The following SOCS2 variants were observed in gnomAD, a reference collection of about 807,000 sequenced individuals.
SOCS2 encodes CIS-2.
A neutral mutation model predicts 18.6 loss-of-function variants in SOCS2; 10 were observed. The ratio of observed to expected loss-of-function variants is 0.54; its 90% CI spans 0.33 to 0.91. SOCS2 has a LOEUF of 0.91. Among genes scored for constraint, SOCS2 ranks in the 40% least tolerant of loss-of-function variants. SOCS2 has a pLI of 0.02. For missense variants in SOCS2, 231 were observed against 247.2 expected (o/e 0.93, Z 0.44); for synonymous variants, 104 against 104.0 (o/e 1.00, Z 0.00).
Position 93,575,116 on chromosome 12 carries a change from CTG to C in SOCS2, c.535_536del (p.Trp179GlyfsTer16). Reference protein sequence around the residue: ...LTINKCTGAIWGLPLPTRLKD... With the variant: ...LTINKCTGAIXGLPLPTRLKD... ...CCATTAACAAATGTACCGGTGCCATCTGGGGACTGCCTTTACCAACAAGACTA... is the reference window on the plus strand; with the variant it reads ...CCATTAACAAATGTACCGGTGCCATCGGGACTGCCTTTACCAACAAGACTA... On this transcript the variant is annotated frameshift_variant, in exon 2 of 2. Coordinates refer to ENST00000551556, the MANE Select transcript of SOCS2 (RefSeq NM_001270471.2). LOFTEE classifies it high-confidence loss of function. The C allele has an allele frequency of 6.2e-7, 1 of 1,602,248 alleles. No individual in the cohort carries two copies. The highest frequency in any genetic ancestry group is 8.5e-7 in the Non-Finnish European group (1 of 1,176,352).
At chr12:93,614,480 T>TTCCTTTCTTTCTTTCC in the SOCS2 span, among the ~76,000 whole-genome samples, 7 of 26,152 alleles carry the variant, frequency 2.7e-4, 1 homozygote, top group African/African-American at 1.5e-3. Flanking sequence ...CCTTCCTTCC[T>TTCCTTTCTTTCTTTCC]TTCCTTCCTT....
At chr12:93,617,710 GT>G in the SOCS2 span, among the ~76,000 whole-genome samples, 9 of 151,960 alleles carry the variant, frequency 5.9e-5, no homozygotes, top group African/African-American at 2.2e-4. Context: ...AAAAAATAGA[GT>G]TTTCACAATC....
At chr12:93,581,222 C>T (rs1425546026), downstream of SOCS2, among the ~76,000 whole-genome samples, 1 of 152,162 alleles carries the variant, frequency 6.6e-6, no homozygotes, top group Non-Finnish European at 1.5e-5. Context: ...TATTACACCA[C>T]AGAAATAGGC....
intron 1 of SOCS2, chr12:93,573,376 C>A: frequency 2.0e-6 from 1 of 491,652 alleles, no homozygotes; most frequent in Non-Finnish European, 3.6e-6. Flanking sequence ...CCTCCCTTTG[C>A]ACGGGGTGCA....
upstream of SOCS2, chr12:93,570,624 G>C (rs184320621): frequency 6.6e-6 from 1 of 152,418 alleles, no homozygotes; most frequent in Admixed American, 6.5e-5. Context: ...AAGGGCCAAG[G>C]ATCGCTATCC....
downstream of SOCS2, among the ~76,000 whole-genome samples, chr12:93,579,970 G>A (rs965150645): frequency 1.3e-5 from 2 of 152,202 alleles, no homozygotes; most frequent in African/African-American, 4.8e-5. Context: ...ACTTGCCCTA[G>A]ATCAGAAGTG....
At chr12:93,584,874 C>G (rs187177303), downstream of SOCS2, among the ~76,000 whole-genome samples, 1 of 151,914 alleles carries the variant, frequency 6.6e-6, no homozygotes, top group East Asian at 1.9e-4. Flanking sequence ...GTGATTCTCT[C>G]GCCTCAGCCT....
chr12:93,611,411 T>C, the SOCS2 span, among the ~76,000 whole-genome samples: 1 of 152,116 alleles, frequency 6.6e-6, no homozygotes, highest in African/African-American at 2.4e-5. Context: ...CTAATTTTTG[T>C]ATTTTTGTAG....
the SOCS2 span, among the ~76,000 whole-genome samples, chr12:93,619,236 G>A: frequency 0.01 from 1,553 of 152,214 alleles, 32 homozygotes; most frequent in African/African-American, 0.036. Context: ...AAGTTGCCCC[G>A]CTTCTTCCTC....
chr12:93,616,087 A>G, the SOCS2 span, among the ~76,000 whole-genome samples: 1 of 152,218 alleles, frequency 6.6e-6, no homozygotes, highest in African/African-American at 2.4e-5. Context: ...TGGTCCTAGC[A>G]TTTTGGCTGG....
At chr12:93,610,720 G>A in the SOCS2 span, among the ~76,000 whole-genome samples, 10 of 152,164 alleles carry the variant, frequency 6.6e-5, no homozygotes, top group Non-Finnish European at 8.8e-5. Flanking sequence ...GTGTTCATCC[G>A]TTTTCTGCCC....
the SOCS2 span, among the ~76,000 whole-genome samples, chr12:93,605,805 C>T: frequency 0.012 from 1,798 of 152,296 alleles, 26 homozygotes; most frequent in African/African-American, 0.041. Context: ...TTCTGAGGGG[C>T]AGTAGAGGCA....
chr12:93,606,783 G>A, the SOCS2 span, among the ~76,000 whole-genome samples: 11 of 152,280 alleles, frequency 7.2e-5, no homozygotes, highest in South Asian at 6.2e-4. Context: ...CTCCTGAGCA[G>A]CTGGGACTAT....
downstream of SOCS2, among the ~76,000 whole-genome samples, chr12:93,586,653 A>G (rs1308492076): frequency 6.6e-6 from 1 of 152,132 alleles, no homozygotes; most frequent in East Asian, 1.9e-4. Flanking sequence ...TCTACTGAAC[A>G]CAATTCAGTT....
chr12:93,586,994 C>A (rs188836644), downstream of SOCS2, among the ~76,000 whole-genome samples: 1 of 152,108 alleles, frequency 6.6e-6, no homozygotes, highest in Admixed American at 6.5e-5. Flanking sequence ...ATGGCAAAAC[C>A]CTGTTTCTAC....
At chr12:93,572,200 G>A (rs933450073), upstream of SOCS2, 2 of 169,560 alleles carry the variant, frequency 1.2e-5, no homozygotes, top group African/African-American at 2.4e-5. This position sits in a 1 kb window ranked among gnomAD's most constrained non-coding sequence, Gnocchi z 5.0. Context: ...GGTGCCTCGG[G>A]GCCCCGCAGC....
At chr12:93,590,783 C>CAAAAAAAAAAA in the SOCS2 span, among the ~76,000 whole-genome samples, 16 of 38,950 alleles carry the variant, frequency 4.1e-4, 3 homozygotes, top group African/African-American at 1.4e-3. Context: ...GACTCCGCCT[C>CAAAAAAAAAAA]AAAAAAAAAA....
chr12:93,601,150 G>T, the SOCS2 span, among the ~76,000 whole-genome samples: 1 of 148,380 alleles, frequency 6.7e-6, no homozygotes. Context: ...GTTTTGTGCT[G>T]GTATATGGGA....
intron 1 of SOCS2, 88 bp from the exon 2 acceptor site, chr12:93,574,634 A>T: frequency 1.1e-6 from 1 of 913,732 alleles, no homozygotes. Context: ...AGCTAAAAAA[A>T]TTATTGCCAA....
Sources: gnomAD v4.1 joint callset for allele counts (sites outside exome capture counted in the v4.1 genomes callset) on GRCh38, gnomAD v4.1.1 for gene constraint, Gnocchi (gnomAD v3.1) non-coding constraint, MANE v1.5 for transcripts, NCBI Gene and HGNC (gene_info 2026-07-23, HGNC 2026-07-21) for gene names.